C2: variants seen among roughly 807,000 people sequenced by gnomAD.
The protein encoded by C2 is C3/C5 convertase.
A neutral mutation model predicts 85.2 loss-of-function variants in C2; 64 were observed. That is an observed-to-expected ratio of 0.75 (90% CI 0.61 to 0.92). The LOEUF (loss-of-function observed/expected upper bound fraction) is 0.92. Among genes scored for constraint, C2 ranks in the 40% least tolerant of loss-of-function variants. The pLI is 0.00. For synonymous variants in C2, 311 were observed against 370.8 expected (o/e 0.84, Z 1.85); for missense variants, 820 against 971.6 (o/e 0.84, Z 2.07).
At chr6:31,934,041 C>T in intron 5 of C2, 76 bp downstream of exon 5, 1 of 1,556,056 alleles carries the variant, frequency 6.4e-7, no homozygotes, top group Non-Finnish European at 8.9e-7. Flanking sequence ...TGCAACCTTC[C>T]TGGAGGCCAG....
At chr6:31,932,376 G>A (rs9267734) in intron 3 of C2, 6,024 of 236,462 alleles carry the variant, frequency 0.025, 129 homozygotes, top group Middle Eastern at 0.028. Flanking sequence ...GCTGCCGGGC[G>A]GAGGGGCTCC....
At chr6:31,940,693 C>A (rs9332726) in intron 9 of C2, among the ~76,000 whole-genome samples, 1 of 152,202 alleles carries the variant, frequency 6.6e-6, no homozygotes, top group African/African-American at 2.4e-5. Flanking sequence ...TTAAAGCCCA[C>A]TCCCTTCCTC....
chr6:31,927,458 G>A, upstream of C2: 6 of 1,396,854 alleles, frequency 4.3e-6, no homozygotes, highest in Non-Finnish European at 5.6e-6. The surrounding 1 kb of genome is among the most constrained non-coding windows in gnomAD (Gnocchi z 4.7). Context: ...TGGTGCACAT[G>A]TGCACGCATG....
At chr6:31,911,515 G>C (rs1036712001) in intron 1 of C2, among the ~76,000 whole-genome samples, 1 of 152,096 alleles carries the variant, frequency 6.6e-6, no homozygotes, top group Non-Finnish European at 1.5e-5. Flanking sequence ...GTGAGCAAAA[G>C]GGTTTGAAGA....
intron 1 of C2, among the ~76,000 whole-genome samples, chr6:31,912,051 G>C (rs1199449149): frequency 6.6e-6 from 1 of 151,088 alleles, no homozygotes; most frequent in Admixed American, 6.6e-5. Context: ...GATTACAGGC[G>C]TTGAGCCACC....
At chr6:31,902,089 G>A in intron 1 of C2, 1 of 152,796 alleles carries the variant, frequency 6.5e-6, no homozygotes, top group Non-Finnish European at 1.5e-5. Flanking sequence ...GGAGGAAGAG[G>A]GGAGGGAATT....
intron 3 of C2, among the ~76,000 whole-genome samples, chr6:31,932,746 T>C (rs1228518090): frequency 6.6e-6 from 1 of 152,064 alleles, no homozygotes; most frequent in African/African-American, 2.4e-5. Context: ...TCTCGGCACT[T>C]TGGGAGGCCA....
Position 31,937,321 on chromosome 6 carries a change from C to T in C2, c.991C>T (p.His331Tyr), listed in dbSNP as rs766677286. 1.2e-6 allele frequency: 2 copies of T among 1,612,804 alleles called. No individual in the cohort carries two copies. The highest frequency in any genetic ancestry group is 1.7e-6 in the Non-Finnish European group (2 of 1,179,956). The stretch of plus-strand genomic sequence containing the variant: ...TCCTTCCTTTTGGCATATTCCAGAT[C>T]ATGAAAATGGAACTGGGACTAACAC... ...SSLENANYKD[H>Y]ENGTGTNTYA... The change falls in exon 8 of 18, where the codon CAT becomes TAT. Residue 331 changes from histidine (H) to tyrosine (Y), a missense_variant and splice_region_variant. By Grantham distance (83) the His-to-Tyr change is moderately conservative. Transcript: ENST00000299367.
upstream of C2, chr6:31,900,693 C>T (rs148589895): frequency 6.6e-5 from 107 of 1,609,870 alleles, no homozygotes; most frequent in Non-Finnish European, 8.8e-5. The surrounding 1 kb of genome is among the most constrained non-coding windows in gnomAD (Gnocchi z 9.7). Context: ...ATGTCAGACA[C>T]GTCCTCATCC....
rs1478487784 is a variant in C2 at position 31,943,931 on chromosome 6, C to G, written c.1748C>G (p.Pro583Arg). 1.6e-5 allele frequency: 26 copies of G among 1,612,734 alleles called. No homozygotes were observed. Among genetic ancestry groups the G allele is most frequent in the Non-Finnish European group, 2.1e-5 (25 of 1,179,988 alleles). ...MSTHARPICL[P>R]CTMEANLALR... ...CTTCTCCCCAGGCCCATCTGCCTTC[C>G]CTGCACGATGGAGGCCAATCTGGCT... Residue 583 changes from proline to arginine, a missense_variant, in exon 14 of 18, where the codon CCC (proline) becomes CGC (arginine). Physicochemically the swap from Pro to Arg is moderately radical, Grantham distance 103. Transcript: ENST00000299367. This position sits in a 1 kb window ranked among gnomAD's most constrained non-coding sequence, Gnocchi z 6.4.
At chr6:31,918,637 C>A (rs753506356), upstream of C2, among the ~76,000 whole-genome samples, 2 of 150,460 alleles carry the variant, frequency 1.3e-5, no homozygotes, top group Non-Finnish European at 3.0e-5. Context: ...CGGTGGCTCA[C>A]GCCTGTAATT....
upstream of C2, among the ~76,000 whole-genome samples, chr6:31,926,352 G>A (rs1234905770): frequency 6.9e-6 from 1 of 145,274 alleles, no homozygotes; most frequent in African/African-American, 2.5e-5. Flanking sequence ...TTTTTTTTGA[G>A]ACAGAGTCTT....
upstream of C2, among the ~76,000 whole-genome samples, chr6:31,926,880 T>G (rs1769302681): frequency 6.6e-6 from 1 of 152,228 alleles, no homozygotes; most frequent in Non-Finnish European, 1.5e-5. Flanking sequence ...AAGACTTCTG[T>G]GGGTCAGGGA....
At chr6:31,933,504 C>A in intron 3 of C2, 106 bp from the exon 4 acceptor site, 1 of 1,184,596 alleles carries the variant, frequency 8.4e-7, no homozygotes, top group Non-Finnish European at 1.2e-6. Context: ...ATGGGTGCAT[C>A]CCTGGGTTGG....
upstream of C2, chr6:31,900,757 C>A: frequency 6.3e-7 from 1 of 1,591,432 alleles, no homozygotes; most frequent in Non-Finnish European, 8.6e-7. This position sits in a 1 kb window ranked among gnomAD's most constrained non-coding sequence, Gnocchi z 9.7. Flanking sequence ...CCAGTGGGAA[C>A]TCCAGCTTCA....
chr6:31,927,493 C>T, upstream of C2: 3 of 1,427,632 alleles, frequency 2.1e-6, no homozygotes, highest in East Asian at 2.5e-5. The surrounding 1 kb of genome is among the most constrained non-coding windows in gnomAD (Gnocchi z 4.7). Context: ...GGGGGCAGTA[C>T]ACAAAGCCTG....
At position 31,927,967 on chromosome 6, in the gene C2, C is replaced by T. The variant is rs756248699; in HGVS notation, c.59C>T (p.Ser20Leu). 5.6e-6 allele frequency: 9 copies of T among 1,613,950 alleles called. No homozygotes were observed. Among genetic ancestry groups the T allele is most frequent in the South Asian group, 2.2e-5 (2 of 91,082 alleles). The part of the protein sequence containing the change: ...LLFLYPGLAD[S>L]APSCPQNVNI... Reference sequence around the variant, plus strand: ...CCCACGGCTCTAGGTCTGGCAGACTCGGCTCCCTCCTGCCCTCAGAACGTG... The same window carrying T: ...CCCACGGCTCTAGGTCTGGCAGACTTGGCTCCCTCCTGCCCTCAGAACGTG... Residue 20 changes from serine to leucine, a missense_variant, in exon 2 of 18, where the codon TCG becomes TTG. Physicochemically the swap from Ser to Leu is moderately radical, Grantham distance 145. Coordinates refer to ENST00000299367, the MANE Select transcript of C2 (RefSeq NM_000063.6). The surrounding 1 kb of genome is among the most constrained non-coding windows in gnomAD (Gnocchi z 4.7).
intron 1 of C2, chr6:31,901,338 G>A: frequency 1.3e-6 from 2 of 1,582,840 alleles, no homozygotes; most frequent in Non-Finnish European, 1.7e-6. Context: ...GGTTGGGAAG[G>A]AAACCGGTCA....
chr6:31,919,474 A>G (rs1183657841), upstream of C2, among the ~76,000 whole-genome samples: 2 of 152,114 alleles, frequency 1.3e-5, no homozygotes, highest in East Asian at 3.8e-4. Flanking sequence ...ACCCAGTGAA[A>G]ACTACAAGGA....
Sources: gnomAD v4.1 joint callset for allele counts (sites outside exome capture counted in the v4.1 genomes callset) on GRCh38, gnomAD v4.1.1 for gene constraint, Gnocchi (gnomAD v3.1) non-coding constraint, MANE v1.5 for transcripts, NCBI Gene and HGNC (gene_info 2026-07-23, HGNC 2026-07-21) for gene names.